The following GABBR2 variants were observed in gnomAD, a reference collection of about 807,000 sequenced individuals.
GABBR2 encodes the protein gamma-aminobutyric acid type B receptor subunit 2.
In GABBR2, 23 loss-of-function variants were observed where a neutral mutation model predicts 105.6. The observed-to-expected ratio is 0.22, with a 90% confidence interval of 0.16 to 0.31. The LOEUF is 0.31. GABBR2 is among the 10% of genes least tolerant of loss of function. The pLI, the probability that GABBR2 is intolerant of heterozygous loss-of-function variation, is 1.00. For synonymous variants in GABBR2, 478 were observed against 499.7 expected (o/e 0.96, Z 0.58); for missense variants, 734 against 1,245.5 (o/e 0.59, Z 6.18).
chr9:98,416,602 C>T (rs1832693260), intron 7 of GABBR2, among the ~76,000 whole-genome samples: 1 of 152,250 alleles, frequency 6.6e-6, no homozygotes, highest in African/African-American at 2.4e-5. Context: ...GCTTTCAGCA[C>T]CAGCCCTGCT....
intron 1 of GABBR2, among the ~76,000 whole-genome samples, chr9:98,647,731 A>G (rs1830043496): frequency 6.6e-6 from 1 of 152,232 alleles, no homozygotes; most frequent in African/African-American, 2.4e-5. Flanking sequence ...GAAATGCAAG[A>G]GGGTAATAAG....
chr9:98,597,752 G>A (rs1564126193), intron 1 of GABBR2, among the ~76,000 whole-genome samples: 1 of 152,140 alleles, frequency 6.6e-6, no homozygotes, highest in African/African-American at 2.4e-5. Context: ...GCTGGGGAGG[G>A]GAAGGGTAGA....
intron 1 of GABBR2, chr9:98,608,183 G>A: frequency 9.4e-7 from 1 of 1,059,448 alleles, no homozygotes; most frequent in South Asian, 1.4e-5. Context: ...TGCCAGCTTG[G>A]ACATCAGTGT....
intron 4 of GABBR2, among the ~76,000 whole-genome samples, chr9:98,487,514 C>T (rs1477980955): frequency 6.6e-6 from 1 of 152,068 alleles, no homozygotes; most frequent in Non-Finnish European, 1.5e-5. Flanking sequence ...GTGGCTCATG[C>T]CTGTAATCCC....
intron 11 of GABBR2, among the ~76,000 whole-genome samples, chr9:98,377,249 G>A (rs907525284): frequency 6.6e-6 from 1 of 152,046 alleles, no homozygotes; most frequent in African/African-American, 2.4e-5. Flanking sequence ...GTGGTGGGGA[G>A]GGGGCTGCTG....
At chr9:98,559,126 A>T (rs1828630995) in intron 2 of GABBR2, among the ~76,000 whole-genome samples, 1 of 150,446 alleles carries the variant, frequency 6.6e-6, no homozygotes, top group African/African-American at 2.5e-5. Context: ...TAATTAACTA[A>T]TTTATTTTTA....
intron 6 of GABBR2, among the ~76,000 whole-genome samples, chr9:98,456,505 C>T (rs76464536): frequency 1.3e-5 from 2 of 152,116 alleles, no homozygotes; most frequent in African/African-American, 2.4e-5. Context: ...CCCTTCCCAC[C>T]CACCTAGAAT....
At chr9:98,333,414 A>T (rs1831061384) in intron 13 of GABBR2, among the ~76,000 whole-genome samples, 2 of 152,122 alleles carry the variant, frequency 1.3e-5, no homozygotes, top group Non-Finnish European at 2.9e-5. Flanking sequence ...CAAAGTCAAG[A>T]TGTCCGTTGG....
chr9:98,684,888 C>T (rs1230699778), intron 1 of GABBR2, among the ~76,000 whole-genome samples: 1 of 152,198 alleles, frequency 6.6e-6, no homozygotes, highest in Non-Finnish European at 1.5e-5. Context: ...TGCATCACCA[C>T]CTCCTCCCAA....
chr9:98,312,897 C>T (rs1299116520), intron 13 of GABBR2, among the ~76,000 whole-genome samples: 2 of 152,046 alleles, frequency 1.3e-5, no homozygotes, highest in Admixed American at 6.6e-5. Context: ...TTATAGGCGG[C>T]CGCCACCATG....
chr9:98,407,621 C>T (rs1832514107), intron 7 of GABBR2, among the ~76,000 whole-genome samples: 1 of 152,050 alleles, frequency 6.6e-6, no homozygotes, highest in Admixed American at 6.6e-5. Flanking sequence ...AGGCTGTCCA[C>T]AAGGAGAAAT....
At chr9:98,469,691 G>T (rs1253177207) in intron 6 of GABBR2, among the ~76,000 whole-genome samples, 2 of 152,176 alleles carry the variant, frequency 1.3e-5, no homozygotes, top group African/African-American at 4.8e-5. Flanking sequence ...AGTTCCAAGG[G>T]TTACAATGTG....
chr9:98,613,540 G>A (rs758311516), intron 1 of GABBR2, among the ~76,000 whole-genome samples: 26 of 152,096 alleles, frequency 1.7e-4, no homozygotes, highest in Non-Finnish European at 2.8e-4. Flanking sequence ...ATAAAAGCGA[G>A]AGGAAGCCTG....
intron 1 of GABBR2, among the ~76,000 whole-genome samples, chr9:98,649,995 C>A (rs1028382012): frequency 1.3e-5 from 2 of 152,168 alleles, no homozygotes; most frequent in African/African-American, 4.8e-5. Flanking sequence ...ACACTGACTT[C>A]AGTGAGAGCT....
chr9:98,349,350 T>TG (rs1831355850), intron 13 of GABBR2, among the ~76,000 whole-genome samples: 1 of 7,856 alleles, frequency 1.3e-4, no homozygotes, highest in East Asian at 1.5e-3. Context: ...TGAAGTTTTG[T>TG]TTTTTTTTTT....
At position 98,534,463 on chromosome 9, in the gene GABBR2, A is replaced by G. The variant is rs572190187; in HGVS notation, c.630+7410T>C. 1.6e-4 allele frequency among the ~76,000 whole-genome samples: 24 copies of G among 152,360 alleles called. No individual in the cohort carries two copies. In the East Asian group the frequency reaches 3.3e-3, roughly 21 times the overall value. On this transcript the variant is annotated intron_variant, in intron 3 of 18. Coordinates refer to ENST00000259455, the MANE Select transcript of GABBR2 (RefSeq NM_005458.8). ...GAACCTGATTCTGGATGTTAATAAA[A>G]ATAACAGCTGCCCCTTGCATGGTGC... is the stretch of plus-strand genomic sequence containing the variant.
chr9:98,442,673 A>G (rs902975156), intron 7 of GABBR2, among the ~76,000 whole-genome samples: 3 of 152,172 alleles, frequency 2.0e-5, no homozygotes, highest in Non-Finnish European at 4.4e-5. Flanking sequence ...TGGCTTAAAC[A>G]ATGGGAATTT....
chr9:98,515,796 A>G (rs1827746953), intron 3 of GABBR2, among the ~76,000 whole-genome samples: 1 of 152,120 alleles, frequency 6.6e-6, no homozygotes, highest in Non-Finnish European at 1.5e-5. Context: ...ATCCTCAACA[A>G]TCTTACAAAG....
chr9:98,692,934 G>A (rs1393806914), intron 1 of GABBR2, among the ~76,000 whole-genome samples: 1 of 152,164 alleles, frequency 6.6e-6, no homozygotes, highest in Non-Finnish European at 1.5e-5. Context: ...ACTTAACCGG[G>A]TCGATACAAA....
Sources: allele counts gnomAD v4.1 joint callset (sites outside exome capture counted in the v4.1 genomes callset), GRCh38; gene constraint gnomAD v4.1.1; transcripts MANE v1.5; gene names NCBI Gene and HGNC (gene_info 2026-07-23, HGNC 2026-07-21).